Variants in OLFM3 observed in about 807,000 individuals in gnomAD.
OLFM3 encodes noelin-3.
OLFM3 carries 20 observed loss-of-function variants against 48.6 expected under a neutral mutation model. The ratio of observed to expected loss-of-function variants is 0.41; its 90% CI spans 0.29 to 0.60. OLFM3 has a LOEUF of 0.60. Among genes scored for constraint, OLFM3 ranks in the 20% least tolerant of loss-of-function variants. The probability of loss-of-function intolerance (pLI) is 0.28; values close to 1 mark genes in which losing one functional copy is unlikely to be tolerated. For missense variants in OLFM3, 437 were observed against 544.3 expected (o/e 0.80, Z 1.96); for synonymous variants, 222 against 198.1 (o/e 1.12, Z -1.01).
chr1:101,814,536 T>G (rs1211865158), intron 4 of OLFM3, among the ~76,000 whole-genome samples: 1 of 152,140 alleles, frequency 6.6e-6, no homozygotes, highest in Non-Finnish European at 1.5e-5. Flanking sequence ...ACATTTAATT[T>G]GAGATCTTAT....
chr1:101,920,029 C>A (rs181995126), intron 1 of OLFM3, among the ~76,000 whole-genome samples: 1 of 152,310 alleles, frequency 6.6e-6, no homozygotes, highest in African/African-American at 2.4e-5. Context: ...ACCAACCTGT[C>A]AGCAAATCCT....
chr1:101,823,376 T>C (rs2100894903), intron 4 of OLFM3, among the ~76,000 whole-genome samples: 1 of 152,132 alleles, frequency 6.6e-6, no homozygotes, highest in East Asian at 1.9e-4. Context: ...AAATGAATAG[T>C]TTATCACATG....
intron 1 of OLFM3, among the ~76,000 whole-genome samples, chr1:101,869,898 C>T (rs1657008387): frequency 6.6e-6 from 1 of 152,110 alleles, no homozygotes; most frequent in Non-Finnish European, 1.5e-5. Context: ...GAGGCCTCCC[C>T]AGCTTTGCAG....
At chr1:101,886,280 A>G (rs1429896981) in intron 1 of OLFM3, among the ~76,000 whole-genome samples, 2 of 151,976 alleles carry the variant, frequency 1.3e-5, no homozygotes, top group Non-Finnish European at 2.9e-5. Context: ...AAAAAAAATA[A>G]TAGAAAAGTG....
At chr1:101,836,481 A>G (rs779101832) in intron 2 of OLFM3, among the ~76,000 whole-genome samples, 4 of 152,344 alleles carry the variant, frequency 2.6e-5, no homozygotes, top group Non-Finnish European at 4.4e-5. Context: ...TGCATATCAC[A>G]TGCAATTATT....
Position 101,825,014 on chromosome 1 carries a change from T to C in OLFM3, c.592+12A>G. ...AAAACGTAACTTAGACAAATTAAAT[T>C]GTCATACTCACTTAGCTTTTTCATG... On this transcript the variant is annotated intron_variant, in intron 4 of 5. Transcript: ENST00000370103. The C allele has an allele frequency of 6.2e-7, 1 of 1,608,562 alleles. No homozygotes were observed.
chr1:101,851,924 T>C (rs1033503943), intron 1 of OLFM3, among the ~76,000 whole-genome samples: 1 of 152,120 alleles, frequency 6.6e-6, no homozygotes, highest in African/African-American at 2.4e-5. Flanking sequence ...GATTTAGCTT[T>C]AGGACAGGAC....
intron 1 of OLFM3, among the ~76,000 whole-genome samples, chr1:101,949,329 T>C (rs1204162401): frequency 6.6e-6 from 1 of 152,170 alleles, no homozygotes; most frequent in Non-Finnish European, 1.5e-5. Flanking sequence ...AAGGTATTTT[T>C]ATTTTCCTGA....
chr1:101,886,423 G>A (rs1180392757), intron 1 of OLFM3, among the ~76,000 whole-genome samples: 1 of 152,066 alleles, frequency 6.6e-6, no homozygotes, highest in Non-Finnish European at 1.5e-5. Context: ...GTAGGTAGGT[G>A]GAGGGTGATA....
At chr1:101,873,620 G>A (rs1330913911) in intron 1 of OLFM3, among the ~76,000 whole-genome samples, 3 of 151,580 alleles carry the variant, frequency 2.0e-5, no homozygotes, top group African/African-American at 7.3e-5. Flanking sequence ...GTAGATCTGA[G>A]TTTAATTTTT....
chr1:101,882,904 G>A (rs1357324778), intron 1 of OLFM3: 1 of 151,820 alleles, frequency 6.6e-6, no homozygotes, highest in Non-Finnish European at 1.5e-5. Flanking sequence ...GGTTAAAGTA[G>A]ACATGAAAAA....
intron 1 of OLFM3, among the ~76,000 whole-genome samples, chr1:101,986,213 C>T (rs1003762155): frequency 6.6e-6 from 1 of 152,122 alleles, no homozygotes; most frequent in African/African-American, 2.4e-5. Flanking sequence ...ATCCGCCCGC[C>T]TCGGCCTCCC....
chr1:101,918,113 G>T (rs1174166216), intron 1 of OLFM3, among the ~76,000 whole-genome samples: 3 of 152,072 alleles, frequency 2.0e-5, no homozygotes, highest in Admixed American at 6.6e-5. Context: ...GAAATTCAAC[G>T]ATCATTTATT....
At chr1:101,828,494 G>A (rs1654995660) in intron 3 of OLFM3, among the ~76,000 whole-genome samples, 1 of 152,182 alleles carries the variant, frequency 6.6e-6, no homozygotes, top group South Asian at 2.1e-4. Flanking sequence ...ACATGGTGCT[G>A]CTGCCTGAAA....
intron 1 of OLFM3, among the ~76,000 whole-genome samples, chr1:101,859,327 G>A (rs1469664619): frequency 1.3e-5 from 2 of 152,044 alleles, no homozygotes; most frequent in South Asian, 2.1e-4. Context: ...GAGTGGGCGA[G>A]GAGTGAGAAT....
intron 2 of OLFM3, among the ~76,000 whole-genome samples, chr1:101,831,731 C>A (rs908932242): frequency 6.6e-6 from 1 of 152,148 alleles, no homozygotes; most frequent in African/African-American, 2.4e-5. Flanking sequence ...AATGCAAAAT[C>A]TCAGAAATGC....
At chr1:101,966,454 TGA>T (rs1660612692) in intron 1 of OLFM3, among the ~76,000 whole-genome samples, 1 of 152,162 alleles carries the variant, frequency 6.6e-6, no homozygotes. Flanking sequence ...ATTACAGGCG[TGA>T]GCCACTGTGT....
At chr1:101,815,412 A>G (rs1654283212) in intron 4 of OLFM3, among the ~76,000 whole-genome samples, 1 of 150,788 alleles carries the variant, frequency 6.6e-6, no homozygotes, top group Non-Finnish European at 1.5e-5. Flanking sequence ...GCGCCACTGC[A>G]TTCCAGCCTG....
intron 1 of OLFM3, among the ~76,000 whole-genome samples, chr1:101,928,458 A>C (rs1426766059): frequency 6.6e-6 from 1 of 152,100 alleles, no homozygotes; most frequent in Non-Finnish European, 1.5e-5. Flanking sequence ...TTCTTTTACT[A>C]AGAGAGTGTT....
Sources: allele counts gnomAD v4.1 joint callset (sites outside exome capture counted in the v4.1 genomes callset), GRCh38; gene constraint gnomAD v4.1.1; transcripts MANE v1.5; gene names NCBI Gene and HGNC (gene_info 2026-07-23, HGNC 2026-07-21).